The following PLCH1 variants were observed in gnomAD, a reference collection of about 807,000 sequenced individuals.
PLCH1 encodes the protein 1-phosphatidylinositol 4,5-bisphosphate phosphodiesterase eta-1.
A neutral mutation model predicts 126.7 loss-of-function variants in PLCH1; 60 were observed. The observed-to-expected ratio is 0.47, with a 90% confidence interval of 0.38 to 0.59. The LOEUF (loss-of-function observed/expected upper bound fraction) is 0.59, where lower values mean the gene tolerates loss of function less well. PLCH1 is among the 20% of genes least tolerant of loss of function. PLCH1 has a pLI of 0.00. For missense variants in PLCH1, 1,723 were observed against 2,040.0 expected (o/e 0.84, Z 2.99); for synonymous variants, 719 against 734.9 (o/e 0.98, Z 0.35).
At chr3:155,636,192 A>G (rs1314704738) in intron 2 of PLCH1, among the ~76,000 whole-genome samples, 1 of 152,196 alleles carries the variant, frequency 6.6e-6, no homozygotes, top group Non-Finnish European at 1.5e-5. Context: ...GGAAACTGGA[A>G]TAACCAATGT....
At chr3:155,576,953 C>T (rs1730045028) in intron 6 of PLCH1, among the ~76,000 whole-genome samples, 1 of 152,160 alleles carries the variant, frequency 6.6e-6, no homozygotes, top group South Asian at 2.1e-4. Flanking sequence ...GATTGTAAAA[C>T]TACTCCAGTA....
chr3:155,588,062 T>C (rs944630836), intron 4 of PLCH1, among the ~76,000 whole-genome samples: 21 of 152,152 alleles, frequency 1.4e-4, no homozygotes, highest in Admixed American at 1.4e-3. Context: ...TTCTATGCGA[T>C]TCAAATTATG....
At position 155,734,777 on chromosome 3, in the gene PLCH1, C is replaced by T. The variant is rs190771761; in HGVS notation, c.-41+10063G>A. Among the ~76,000 whole-genome samples the T allele has an allele frequency of 4.1e-3, 620 of 150,006 alleles. 3 individuals are homozygous for T. The highest frequency in any genetic ancestry group is 0.015 in the African/African-American group (594 of 40,686). ...AGGCTGGAGTGCAGTGGTGCAATCT[C>T]GGCTCACTGCAACCTCCGCCTCCCA... On this transcript the variant is annotated intron_variant, in intron 1 of 22. Coordinates refer to ENST00000460012, the MANE Select transcript of PLCH1 (RefSeq NM_014996.4).
At chr3:155,690,012 A>C (rs1157176529) in intron 2 of PLCH1, among the ~76,000 whole-genome samples, 1 of 151,972 alleles carries the variant, frequency 6.6e-6, no homozygotes, top group African/African-American at 2.4e-5. Context: ...AGGATGAAGA[A>C]AGGATCCTAA....
chr3:155,594,905 T>C (rs1334604367), intron 3 of PLCH1, among the ~76,000 whole-genome samples: 4 of 152,190 alleles, frequency 2.6e-5, no homozygotes, highest in African/African-American at 7.2e-5. Context: ...CATAAGAAGA[T>C]CGTTAGAAAA....
At chr3:155,616,559 T>A (rs904460552) in intron 2 of PLCH1, among the ~76,000 whole-genome samples, 1 of 152,180 alleles carries the variant, frequency 6.6e-6, no homozygotes, top group Non-Finnish European at 1.5e-5. Flanking sequence ...TGATTAAACT[T>A]GTTTAAATTA....
chr3:155,603,689 A>G (rs1410155083), intron 2 of PLCH1, among the ~76,000 whole-genome samples: 2 of 152,226 alleles, frequency 1.3e-5, no homozygotes, highest in Admixed American at 6.5e-5. Flanking sequence ...TCTTTCAATG[A>G]GAAAAAATTC....
intron 22 of PLCH1, 174 bp from the exon 23 acceptor site, chr3:155,483,225 T>A: frequency 1.1e-6 from 1 of 877,712 alleles, no homozygotes; most frequent in Non-Finnish European, 1.8e-6. Context: ...GAATAAATGG[T>A]AAAATATATT....
At chr3:155,630,524 T>A (rs1477939908) in intron 2 of PLCH1, among the ~76,000 whole-genome samples, 1 of 152,208 alleles carries the variant, frequency 6.6e-6, no homozygotes, top group African/African-American at 2.4e-5. Context: ...AATCAGGTCT[T>A]TGGGCTGCCT....
intron 2 of PLCH1, among the ~76,000 whole-genome samples, chr3:155,698,740 G>A (rs1224984766): frequency 2.0e-5 from 3 of 150,354 alleles, no homozygotes; most frequent in African/African-American, 5.0e-5. Flanking sequence ...TGTCACACCT[G>A]GGTCAGGCCA....
chr3:155,590,035 A>G (rs1731907423), intron 4 of PLCH1, among the ~76,000 whole-genome samples: 1 of 152,158 alleles, frequency 6.6e-6, no homozygotes, highest in South Asian at 2.1e-4. Flanking sequence ...CCCTAATGAC[A>G]CTGGATTTCT....
intron 12 of PLCH1, among the ~76,000 whole-genome samples, chr3:155,511,679 G>A (rs1719527040): frequency 7.1e-6 from 1 of 141,834 alleles, no homozygotes; most frequent in African/African-American, 2.8e-5. Context: ...TCAGGGGTCA[G>A]GGACCCACTT....
intron 1 of PLCH1, among the ~76,000 whole-genome samples, chr3:155,720,664 G>A (rs903873143): frequency 3.9e-5 from 6 of 152,030 alleles, no homozygotes; most frequent in Admixed American, 3.3e-4. Context: ...TCTCCCACTC[G>A]GTGAGTTGTC....
rs535908017 is a variant in PLCH1, at chr3:155,537,202, C to CAAAAAAAAAAAAAA, written c.1362+12571_1362+12584dup. Among the ~76,000 whole-genome samples the CAAAAAAAAAAAAAA allele has an allele frequency of 3.0e-3, 31 of 10,402 alleles. 1 individual carries two copies. Among genetic ancestry groups the CAAAAAAAAAAAAAA allele is most frequent in the East Asian group, 0.012 (10 of 844 alleles). 6.8% of individuals were successfully genotyped at this position (10,402 alleles called of 152,430 possible). On this transcript the variant is annotated intron_variant, in intron 10 of 22. Transcript: ENST00000460012. ...CTAGCACTACAAAAAAAAAAAAAAC[C>CAAAAAAAAAAAAAA]AAAAAAAAAAAAAAAAAAAAAAAAA...
chr3:155,518,313 G>A (rs1464964969), intron 11 of PLCH1, among the ~76,000 whole-genome samples: 1 of 152,214 alleles, frequency 6.6e-6, no homozygotes, highest in East Asian at 1.9e-4. Context: ...GCTGAACCCT[G>A]TTTAAGGCAA....
At chr3:155,460,586 C>G (rs367782285) in intron 21 of PLCH1, among the ~76,000 whole-genome samples, 9 of 152,064 alleles carry the variant, frequency 5.9e-5, no homozygotes, top group Non-Finnish European at 8.8e-5. Context: ...TGTTAGCCCC[C>G]CCTCCAGGCC....
At chr3:155,703,880 G>C (rs951435454) in intron 2 of PLCH1, among the ~76,000 whole-genome samples, 2 of 152,142 alleles carry the variant, frequency 1.3e-5, no homozygotes, top group Admixed American at 6.5e-5. Context: ...TTGACAGTGT[G>C]GTAGAAGAGG....
intron 2 of PLCH1, among the ~76,000 whole-genome samples, chr3:155,637,049 T>C (rs1052015498): frequency 3.2e-4 from 48 of 152,202 alleles, no homozygotes; most frequent in African/African-American, 1.2e-3. Context: ...AAAACAGTCA[T>C]TCACTAGAGA....
chr3:155,725,804 C>T (rs114822855), intron 1 of PLCH1, among the ~76,000 whole-genome samples: 2,490 of 152,214 alleles, frequency 0.016, 27 homozygotes, highest in South Asian at 0.039. Context: ...TCTTTGGTTC[C>T]TTTAGATTAT....
Sources: gnomAD v4.1 joint callset for allele counts (sites outside exome capture counted in the v4.1 genomes callset) on GRCh38, gnomAD v4.1.1 for gene constraint, MANE v1.5 for transcripts, NCBI Gene and HGNC (gene_info 2026-07-23, HGNC 2026-07-21) for gene names.